Variants in NUP133 observed in about 807,000 individuals in gnomAD.
The protein encoded by NUP133 is nuclear pore complex protein Nup133.
Under a neutral mutation model 146.2 loss-of-function variants are expected in NUP133, and 66 were observed. That is an observed-to-expected ratio of 0.45 (90% confidence interval 0.37 to 0.55). The LOEUF (loss-of-function observed/expected upper bound fraction) is 0.55, where lower values mean the gene tolerates loss of function less well. Among genes scored for constraint, NUP133 ranks in the 20% least tolerant of loss-of-function variants. The pLI is 0.00. For synonymous variants in NUP133, 521 were observed against 498.8 expected (o/e 1.04, Z -0.59); for missense variants, 1,277 against 1,374.8 (o/e 0.93, Z 1.12).
chr1:229,445,303 A>G (rs1295992970), intron 24 of NUP133, among the ~76,000 whole-genome samples: 2 of 152,202 alleles, frequency 1.3e-5, no homozygotes, highest in Non-Finnish European at 2.9e-5. Context: ...TACCTATTTG[A>G]TTTCAGAAAC....
At chr1:229,489,045 T>C in intron 9 of NUP133, among the ~76,000 whole-genome samples, 1 of 152,216 alleles carries the variant, frequency 6.6e-6, no homozygotes, top group East Asian at 1.9e-4. Flanking sequence ...CACTGCTGAA[T>C]ACAAATATAA....
At chr1:229,474,141 T>C (rs922759605) in intron 14 of NUP133, among the ~76,000 whole-genome samples, 3 of 152,152 alleles carry the variant, frequency 2.0e-5, no homozygotes, top group Admixed American at 6.5e-5. Context: ...GAGAACCACA[T>C]AGCCTCTGTT....
chr1:229,505,140 T>C (rs1234677504), intron 2 of NUP133, among the ~76,000 whole-genome samples: 2 of 152,222 alleles, frequency 1.3e-5, no homozygotes, highest in East Asian at 1.9e-4. Flanking sequence ...AGCCAAAAGA[T>C]TGGACACCCC....
In NUP133 at chr1:229,498,286, A is replaced by C; in HGVS notation, c.669T>G (p.Ser223=). The C allele has an allele frequency of 6.3e-7, 1 of 1,587,448 alleles. No homozygotes were observed. ...ACCGAATTAGTTGGCTTCCTGATGAAGACAAAATAAAACTTCCTCCCTGTG... is the reference window on the plus strand; with the variant it reads ...ACCGAATTAGTTGGCTTCCTGATGACGACAAAATAAAACTTCCTCCCTGTG... ...TAVQGGSFIL[S]SSGSQLIRLI... The change falls in exon 6 of 26, where the codon TCT becomes TCG. Residue 223 remains serine (S), a synonymous_variant. Transcript: ENST00000261396.
chr1:229,494,280 C>T (rs920007820), intron 8 of NUP133, among the ~76,000 whole-genome samples: 1 of 152,130 alleles, frequency 6.6e-6, no homozygotes, highest in Non-Finnish European at 1.5e-5. Context: ...TAAACAAGTA[C>T]TATTACTTTT....
intron 8 of NUP133, among the ~76,000 whole-genome samples, chr1:229,493,743 C>A (rs1034907968): frequency 1.3e-5 from 2 of 152,214 alleles, no homozygotes; most frequent in African/African-American, 2.4e-5. Flanking sequence ...CATGACAACA[C>A]TGGGGCAGAG....
chr1:229,442,753 G>A (rs951935208), intron 25 of NUP133, among the ~76,000 whole-genome samples: 5 of 146,030 alleles, frequency 3.4e-5, no homozygotes, highest in African/African-American at 1.3e-4. Context: ...TCACTCTGCT[G>A]GCCAGGCAAT....
At chr1:229,453,720 T>C (rs1018819916) in intron 21 of NUP133, among the ~76,000 whole-genome samples, 3 of 152,228 alleles carry the variant, frequency 2.0e-5, no homozygotes, top group South Asian at 2.1e-4. Context: ...AAGTACAGTA[T>C]GTATTAGTTA....
chr1:229,474,896 A>T (rs1031626392), intron 14 of NUP133, among the ~76,000 whole-genome samples: 4 of 152,140 alleles, frequency 2.6e-5, no homozygotes, highest in African/African-American at 9.7e-5. Flanking sequence ...TGAGCCCAGG[A>T]GTTCGAGACC....
intron 9 of NUP133, among the ~76,000 whole-genome samples, chr1:229,488,200 C>A (rs556526546): frequency 2.2e-4 from 34 of 152,160 alleles, no homozygotes; most frequent in Non-Finnish European, 3.7e-4. Flanking sequence ...ATGATGATGA[C>A]TATAACTAGA....
At position 229,441,882 on chromosome 1, in the gene NUP133, C is replaced by T; in HGVS notation, c.*22G>A. The T allele has an allele frequency of 6.5e-7, 1 of 1,545,076 alleles. No individual in the cohort carries two copies. The highest frequency in any genetic ancestry group is 8.7e-7 in the Non-Finnish European group (1 of 1,150,500). On this transcript the variant is annotated 3_prime_UTR_variant, in exon 26 of 26. Transcript: ENST00000261396. ...GACACACTTATACAGATTTCATAAA[C>T]AATGGCCATTTTTAGAAAAAGTTAT...
At chr1:229,477,389 A>G in intron 13 of NUP133, among the ~76,000 whole-genome samples, 1 of 150,616 alleles carries the variant, frequency 6.6e-6, no homozygotes, top group African/African-American at 2.4e-5. Flanking sequence ...GCAGTGAGCC[A>G]AGATCGCGCC....
Position 229,486,371 on chromosome 1 carries a change from C to A in NUP133, c.1500G>T (p.Glu500Asp). The stretch of plus-strand genomic sequence containing the variant: ...TCAAATTCTTATCGAATCACATTAC[C>A]TCACTGTTTGGTCCAGCAACTGAAG... Reference protein sequence around the residue: ...LASSVAGPNSESMIFETTTKN... With the variant: ...LASSVAGPNSDSMIFETTTKN... Residue 500 changes from glutamate (E) to aspartate (D), a missense_variant and splice_region_variant, in exon 11 of 26, where the codon GAG becomes GAT. By Grantham distance (45) the Glu-to-Asp change is conservative (BLOSUM62 2). This residue lies in a region of NUP133 where 952 missense variants were observed against 1,047.0 expected (regional missense o/e 0.91). Coordinates refer to ENST00000261396, the MANE Select transcript of NUP133 (RefSeq NM_018230.3). The A allele has an allele frequency of 6.4e-7, 1 of 1,569,704 alleles. No individual in the cohort carries two copies. The highest frequency in any genetic ancestry group is 1.2e-5 in the South Asian group (1 of 84,174).
At chr1:229,491,016 T>C (rs942109846) in intron 8 of NUP133, among the ~76,000 whole-genome samples, 2 of 151,606 alleles carry the variant, frequency 1.3e-5, no homozygotes, top group Non-Finnish European at 2.9e-5. Flanking sequence ...TTTTACTCTA[T>C]ATAAATTATA....
At chr1:229,505,355 T>C (rs1266751304) in intron 2 of NUP133, among the ~76,000 whole-genome samples, 1 of 151,982 alleles carries the variant, frequency 6.6e-6, no homozygotes, top group Non-Finnish European at 1.5e-5. Flanking sequence ...CTAAAGTTTA[T>C]CATAGGTGTG....
At chr1:229,458,345 G>A in intron 20 of NUP133, 49 bp from the exon 21 acceptor site, 1 of 1,573,622 alleles carries the variant, frequency 6.4e-7, no homozygotes, top group South Asian at 1.1e-5. Flanking sequence ...ACCAATTCAA[G>A]CTGAAACAAA....
At chr1:229,483,696 CAAAAAAAAA>C (rs35673633) in intron 12 of NUP133, among the ~76,000 whole-genome samples, 17 of 57,536 alleles carry the variant, frequency 3.0e-4, no homozygotes, top group Non-Finnish European at 3.8e-4. Context: ...CGGAGTGTCT[CAAAAAAAAA>C]AAAAAAAAAA....
chr1:229,495,740 A>G, intron 7 of NUP133, 152 bp downstream of exon 7: 1 of 882,954 alleles, frequency 1.1e-6, no homozygotes. Context: ...ATTTCTGGAG[A>G]TTGACTAACC....
At chr1:229,470,120 G>A (rs924592811) in intron 15 of NUP133, among the ~76,000 whole-genome samples, 1 of 152,086 alleles carries the variant, frequency 6.6e-6, no homozygotes, top group Non-Finnish European at 1.5e-5. Flanking sequence ...ACTTTGGGAG[G>A]CTGAGGCGAG....
Sources: allele counts gnomAD v4.1 joint callset (sites outside exome capture counted in the v4.1 genomes callset), GRCh38; gene constraint gnomAD v4.1.1; regional missense constraint gnomAD v4.1.1; transcripts MANE v1.5; gene names NCBI Gene and HGNC (gene_info 2026-07-23, HGNC 2026-07-21).